The following STON2 variants were observed in gnomAD, a reference collection of about 807,000 sequenced individuals.
STON2 encodes the protein stonin 2.
STON2 carries 29 observed loss-of-function variants against 65.7 expected under a neutral mutation model. The observed-to-expected ratio is 0.44, with a 90% CI of 0.33 to 0.60. The LOEUF (loss-of-function observed/expected upper bound fraction) is 0.60, where lower values mean the gene tolerates loss of function less well. STON2 is among the 20% of genes least tolerant of loss of function. The probability of loss-of-function intolerance (pLI) is 0.03; values close to 1 mark genes in which losing one functional copy is unlikely to be tolerated. For synonymous variants in STON2, 404 were observed against 414.2 expected, an observed-to-expected ratio of 0.98 and a Z score of 0.30; for missense variants, 1,054 against 1,118.1, an observed-to-expected ratio of 0.94 and a Z score of 0.82.
At chr14:81,425,233 G>A (rs528228588) in intron 2 of STON2, among the ~76,000 whole-genome samples, 70 of 152,252 alleles carry the variant, frequency 4.6e-4, no homozygotes, top group Admixed American at 9.2e-4. Flanking sequence ...GAAATAAAAT[G>A]GATTAGAGGA....
At chr14:81,406,596 G>C (rs8015017) in intron 2 of STON2, among the ~76,000 whole-genome samples, 4,149 of 152,124 alleles carry the variant, frequency 0.027, 203 homozygotes, top group African/African-American at 0.094. Context: ...AAAATTTACA[G>C]ACCCTCCTTG....
chr14:81,376,353 T>C (rs1266417107), intron 3 of STON2, among the ~76,000 whole-genome samples: 1 of 152,034 alleles, frequency 6.6e-6, no homozygotes, highest in Non-Finnish European at 1.5e-5. Flanking sequence ...AATGTCTTTA[T>C]ACCAATACAT....
exon 1 of STON2, chr14:81,436,457 T>G (rs1411154094): frequency 2.0e-5 from 3 of 151,600 alleles, no homozygotes; most frequent in Admixed American, 1.3e-4. Context: ...CGACGCCGGC[T>G]CCAGACTCGA....
intron 2 of STON2, among the ~76,000 whole-genome samples, chr14:81,424,900 T>C (rs1901892079): frequency 6.6e-6 from 1 of 152,202 alleles, no homozygotes; most frequent in African/African-American, 2.4e-5. Flanking sequence ...AGTCTTCACA[T>C]CACCCTCTCC....
intron 4 of STON2, among the ~76,000 whole-genome samples, chr14:81,354,658 CAAAAA>C (rs1026406140): frequency 6.6e-6 from 1 of 151,896 alleles, no homozygotes; most frequent in African/African-American, 2.4e-5. Context: ...AGAATTTTGA[CAAAAA>C]AATAGAAACA....
intron 5 of STON2, among the ~76,000 whole-genome samples, chr14:81,297,703 G>C (rs1242828722): frequency 6.6e-6 from 1 of 152,198 alleles, no homozygotes; most frequent in African/African-American, 2.4e-5. Flanking sequence ...GCTTCGTATA[G>C]TATAAAACTT....
intron 4 of STON2, among the ~76,000 whole-genome samples, chr14:81,363,282 G>A (rs1898576818): frequency 6.6e-6 from 1 of 152,148 alleles, no homozygotes; most frequent in African/African-American, 2.4e-5. Context: ...CTGGCACACA[G>A]TAGAAACAAT....
At position 81,279,667 on chromosome 14, in the gene STON2, G is replaced by A. The variant is rs535890009; in HGVS notation, c.743-928C>T. Among the ~76,000 whole-genome samples the A allele has an allele frequency of 6.3e-4, 96 of 152,030 alleles. No individual in the cohort carries two copies. In the South Asian group the frequency reaches 0.014, roughly 21 times the overall value. On this transcript the variant is annotated intron_variant, in intron 5 of 7. Transcript: ENST00000614646. ...GATTGTGCCACTGCACTCCAGCCTG[G>A]GCAACAGAGCGAGACTCTGTCTCAA...
intron 2 of STON2, among the ~76,000 whole-genome samples, chr14:81,416,187 A>G (rs1430465917): frequency 6.6e-6 from 1 of 152,202 alleles, no homozygotes; most frequent in African/African-American, 2.4e-5. Context: ...AGATTCTGTA[A>G]GATGCTGCAG....
At chr14:81,269,884 T>C in intron 7 of STON2, 1 of 985,402 alleles carries the variant, frequency 1.0e-6, no homozygotes, top group Non-Finnish European at 1.2e-6. Context: ...GTTACTATTA[T>C]AAACATTTGC....
chr14:81,303,278 C>A (rs1896041717), intron 5 of STON2, among the ~76,000 whole-genome samples: 1 of 152,146 alleles, frequency 6.6e-6, no homozygotes, highest in Non-Finnish European at 1.5e-5. Flanking sequence ...TTTTACTCTG[C>A]TTTTAGTCAT....
chr14:81,276,545 A>C (rs1448689037), intron 6 of STON2, among the ~76,000 whole-genome samples: 2 of 152,348 alleles, frequency 1.3e-5, no homozygotes, highest in East Asian at 3.9e-4. Flanking sequence ...ATGTCTCTTC[A>C]GAAGCCATCT....
chr14:81,384,119 AACAGTC>A (rs1365074021), intron 3 of STON2, among the ~76,000 whole-genome samples: 1 of 151,880 alleles, frequency 6.6e-6, no homozygotes, highest in Non-Finnish European at 1.5e-5. Context: ...TTACCTCTCA[AACAGTC>A]ACTCCCTGGC....
Position 81,267,389 on chromosome 14 carries a change from T to A in STON2, c.*1025A>T, listed in dbSNP as rs900267369. 1 of 985,452 alleles carries A rather than the reference T, an allele frequency of 1.0e-6. No individual in the cohort carries two copies. 61.0% of individuals were successfully genotyped at this position (985,452 alleles called of 1,614,324 possible). On this transcript the variant is annotated 3_prime_UTR_variant, in exon 8 of 8. Transcript: ENST00000614646. ...ATTTTGGGGGAAAGCTCATTCAAGC[T>A]TAATTTTAAAACAGCTTTAAAAATT...
chr14:81,399,478 A>G (rs1194987249), intron 1 of STON2, among the ~76,000 whole-genome samples: 3 of 152,228 alleles, frequency 2.0e-5, no homozygotes, highest in Non-Finnish European at 4.4e-5. Context: ...ACAGTCTTCC[A>G]ATTGCTGCAC....
At chr14:81,270,936 G>A (rs1894560288) in intron 6 of STON2, 64 bp from the exon 7 acceptor site, 1 of 1,563,762 alleles carries the variant, frequency 6.4e-7, no homozygotes, top group Non-Finnish European at 8.6e-7. Context: ...AGCAGCCAAA[G>A]GAGCCACTTT....
rs59997170 is a variant in STON2 at position 81,299,898 on chromosome 14, T to TTG, written c.743-21160_743-21159insCA. Among the ~76,000 whole-genome samples, 1,183 of 151,412 alleles carry TTG rather than the reference T, an allele frequency of 7.8e-3. 19 individuals are homozygous for TTG. Among genetic ancestry groups the TTG allele is most frequent in the African/African-American group, 0.028 (1,142 of 41,268 alleles). The stretch of plus-strand genomic sequence containing the variant: ...ATGGAAAAAAAATTTTTTTTTTTTT[T>TTG]AAATTGATCTATAGAATCAATATGA... On this transcript the variant is annotated intron_variant, in intron 5 of 7. Coordinates refer to ENST00000614646, the MANE Select transcript of STON2 (RefSeq NM_001394390.1).
chr14:81,404,572 A>G (rs1900757688), upstream of STON2, among the ~76,000 whole-genome samples: 2 of 152,192 alleles, frequency 1.3e-5, no homozygotes, highest in Admixed American at 6.5e-5. Context: ...GCACTATCAC[A>G]GCTCACTACA....
At chr14:81,431,710 G>T (rs774885142) in intron 1 of STON2, among the ~76,000 whole-genome samples, 1 of 151,726 alleles carries the variant, frequency 6.6e-6, no homozygotes, top group Non-Finnish European at 1.5e-5. Context: ...CCCGGGAGCC[G>T]GAGGTTGCAG....
Sources: allele counts gnomAD v4.1 joint callset (sites outside exome capture counted in the v4.1 genomes callset), GRCh38; gene constraint gnomAD v4.1.1; transcripts MANE v1.5; gene names NCBI Gene and HGNC (gene_info 2026-07-23, HGNC 2026-07-21).